Variants in CLTRN observed in about 807,000 individuals in gnomAD.
The protein encoded by CLTRN is collectrin, amino acid transport regulator, also known as collectrin.
A neutral mutation model predicts 14.5 loss-of-function variants in CLTRN; 12 were observed. That is an observed-to-expected ratio of 0.83 (90% confidence interval 0.53 to 1.34). The LOEUF (loss-of-function observed/expected upper bound fraction) is 1.34. Among genes scored for constraint, CLTRN ranks in the 40% most tolerant of loss-of-function variants. CLTRN has a pLI of 0.00. For missense variants in CLTRN, 154 were observed against 165.1 expected, an observed-to-expected ratio of 0.93 and a Z score of 0.37; for synonymous variants, 58 against 56.5, an observed-to-expected ratio of 1.03 and a Z score of -0.12.
intron 1 of CLTRN, among the ~76,000 whole-genome samples, chrX:15,671,878 ACACAC>A (rs201213250): frequency 0.17 from 16,821 of 100,558 alleles, 1,053 homozygotes; most frequent in East Asian, 0.36. Context: ...ACACACACAC[ACACAC>A]AATTTCCAGT....
At chrX:15,665,817 T>C (rs960492511), upstream of CLTRN, among the ~76,000 whole-genome samples, 1 of 112,249 alleles carries the variant, frequency 8.9e-6, no homozygotes, top group African/African-American at 3.2e-5. Context: ...TCACAATTGT[T>C]ATCATCATCT....
intron 2 of CLTRN, among the ~76,000 whole-genome samples, chrX:15,659,344 C>G (rs999152056): frequency 9.0e-6 from 1 of 111,411 alleles, no homozygotes; most frequent in Non-Finnish European, 1.9e-5. Flanking sequence ...TCCTAAGAAC[C>G]TGCAGCATCA....
chrX:15,648,964 G>C (rs779095011), intron 3 of CLTRN, among the ~76,000 whole-genome samples: 8 of 112,079 alleles, frequency 7.1e-5, no homozygotes, highest in Non-Finnish European at 1.3e-4. Flanking sequence ...GAGTCATTTA[G>C]TTACTTTGCC....
intron 3 of CLTRN, chrX:15,646,458 A>AGCCACCCCCCCCCC: frequency 4.4e-6 from 1 of 228,796 alleles, no homozygotes. Context: ...AAAACCGCGC[A>AGCCACCCCCCCCCC]CCCACCCCCC....
In CLTRN at chrX:15,639,708, A is replaced by G. The variant is rs1414988605; in HGVS notation, c.366T>C (p.Thr122=). Residue 122 remains threonine, a synonymous_variant, in exon 5 of 6, where the codon ACT becomes ACC. Coordinates refer to ENST00000380342, the MANE Select transcript of CLTRN (RefSeq NM_020665.6). ...INNAFFLNDQ[T]LEFLKIPSTL... ...TGGAAGGGATTTTTAAAAATTCCAGAGTTTGGTCATTTAGAAAGAAGGCAT... is the reference window on the plus strand; with the variant it reads ...TGGAAGGGATTTTTAAAAATTCCAGGGTTTGGTCATTTAGAAAGAAGGCAT... The G allele has an allele frequency of 8.3e-7, 1 of 1,210,190 alleles. No individual in the cohort carries two copies. The highest frequency in any genetic ancestry group is 2.2e-5 in the Admixed American group (1 of 45,758).
chrX:15,666,118 ACTAC>A (rs777939154), upstream of CLTRN, among the ~76,000 whole-genome samples: 2 of 111,750 alleles, frequency 1.8e-5, no homozygotes, highest in South Asian at 7.6e-4. Flanking sequence ...GGATCGAAAA[ACTAC>A]CTATCGAATA....
At chrX:15,639,873 T>G in intron 4 of CLTRN, 117 bp from the exon 5 acceptor site, 1 of 736,159 alleles carries the variant, frequency 1.4e-6, no homozygotes, top group Non-Finnish European at 1.9e-6. Context: ...AGCATCCTCC[T>G]GGCAGGAGAC....
chrX:15,664,814 A>G, upstream of CLTRN: 1 of 1,126,318 alleles, frequency 8.9e-7, no homozygotes. Flanking sequence ...GTGAGAAAAA[A>G]AAAATCCACG....
chrX:15,670,291 A>C (rs956469029), intron 1 of CLTRN, among the ~76,000 whole-genome samples: 3 of 92,798 alleles, frequency 3.2e-5, no homozygotes, highest in East Asian at 3.5e-4. Flanking sequence ...AATAAAAAAA[A>C]CAAAAACCAA....
intron 5 of CLTRN, among the ~76,000 whole-genome samples, chrX:15,639,192 C>T (rs1444483680): frequency 8.9e-6 from 1 of 111,910 alleles, no homozygotes; most frequent in African/African-American, 3.3e-5. Context: ...AACTATGAAC[C>T]TGCTGGCATT....
At chrX:15,635,726 T>C (rs906735395) in intron 5 of CLTRN, among the ~76,000 whole-genome samples, 2 of 111,772 alleles carry the variant, frequency 1.8e-5, no homozygotes, top group African/African-American at 6.5e-5. Context: ...GTCTGGGCAA[T>C]GACCCCAAAA....
chrX:15,628,348 T>C (rs1928612418), intron 5 of CLTRN, among the ~76,000 whole-genome samples: 1 of 112,166 alleles, frequency 8.9e-6, no homozygotes, highest in Non-Finnish European at 1.9e-5. Flanking sequence ...ATAGATGACA[T>C]ATACATAGTG....
chrX:15,628,693 C>G (rs1311212521), intron 5 of CLTRN, among the ~76,000 whole-genome samples: 1 of 111,993 alleles, frequency 8.9e-6, no homozygotes, highest in East Asian at 2.8e-4. Flanking sequence ...TCAAATATTG[C>G]TGCTTGGCTC....
chrX:15,658,735 C>A (rs867340689), intron 3 of CLTRN, among the ~76,000 whole-genome samples: 2 of 100,202 alleles, frequency 2.0e-5, no homozygotes, highest in Non-Finnish European at 4.0e-5. Flanking sequence ...TATATATATA[C>A]ACACACACAC....
upstream of CLTRN, among the ~76,000 whole-genome samples, chrX:15,669,328 C>T (rs1456840915): frequency 4.5e-5 from 5 of 112,266 alleles, no homozygotes; most frequent in Non-Finnish European, 9.4e-5. Flanking sequence ...AGCAATTTCA[C>T]ATATGGGAGC....
At chrX:15,628,885 C>T (rs764575090) in intron 5 of CLTRN, among the ~76,000 whole-genome samples, 4 of 111,908 alleles carry the variant, frequency 3.6e-5, no homozygotes, top group African/African-American at 6.5e-5. Flanking sequence ...TGACCCCAAC[C>T]GAAGTAATAT....
intron 4 of CLTRN, among the ~76,000 whole-genome samples, chrX:15,642,593 A>C (rs1928967669): frequency 8.9e-6 from 1 of 111,891 alleles, no homozygotes; most frequent in African/African-American, 3.2e-5. Flanking sequence ...ACTTTGTGTA[A>C]AGGAATGACC....
intron 4 of CLTRN, among the ~76,000 whole-genome samples, chrX:15,640,390 C>T (rs1228757019): frequency 1.8e-5 from 2 of 113,017 alleles, no homozygotes; most frequent in African/African-American, 3.2e-5. Context: ...TCCTGCTCTG[C>T]AGGAGCAGTC....
At chrX:15,633,747 T>G (rs975992530) in intron 5 of CLTRN, among the ~76,000 whole-genome samples, 6 of 112,404 alleles carry the variant, frequency 5.3e-5, no homozygotes, top group Non-Finnish European at 1.1e-4. Context: ...TAAGTATAAC[T>G]AGAAACAAAC....
Sources: allele counts gnomAD v4.1 joint callset (sites outside exome capture counted in the v4.1 genomes callset), GRCh38; gene constraint gnomAD v4.1.1; transcripts MANE v1.5; gene names NCBI Gene and HGNC (gene_info 2026-07-23, HGNC 2026-07-21).